MAGI2: variants seen among roughly 807,000 people sequenced by gnomAD.
MAGI2 encodes the protein membrane-associated guanylate kinase, WW and PDZ domain-containing protein 2.
MAGI2 carries 35 observed loss-of-function variants against 133.3 expected under a neutral mutation model. The observed-to-expected ratio is 0.26, with a 90% CI of 0.20 to 0.35. MAGI2 has a LOEUF of 0.35. Among genes scored for constraint, MAGI2 ranks in the 10% least tolerant of loss-of-function variants. MAGI2 has a pLI of 1.00. For missense variants in MAGI2, 1,636 were observed against 1,863.4 expected (o/e 0.88, Z 2.25); for synonymous variants, 729 against 710.6 (o/e 1.03, Z -0.41).
chr7:79,282,718 A>G (rs528452694), intron 1 of MAGI2, among the ~76,000 whole-genome samples: 2 of 152,220 alleles, frequency 1.3e-5, no homozygotes, highest in South Asian at 4.1e-4. Flanking sequence ...CCTGGCATTC[A>G]GAAAGATGAT....
At chr7:78,369,515 C>T (rs975746307) in intron 6 of MAGI2, among the ~76,000 whole-genome samples, 2 of 152,020 alleles carry the variant, frequency 1.3e-5, no homozygotes, top group Admixed American at 1.3e-4. Context: ...ATATAGAAGG[C>T]AAATCGCTTT....
At chr7:78,507,003 TTATC>T (rs1349783035) in intron 4 of MAGI2, among the ~76,000 whole-genome samples, 1 of 152,220 alleles carries the variant, frequency 6.6e-6, no homozygotes, top group African/African-American at 2.4e-5. Flanking sequence ...TTCTCCCAGT[TTATC>T]TGTTTATTCA....
intron 7 of MAGI2, chr7:78,347,121 CTG>C (rs949820460): frequency 6.6e-6 from 1 of 152,238 alleles, no homozygotes; most frequent in African/African-American, 2.4e-5. Flanking sequence ...TATTTCTAAA[CTG>C]AATCTCTGCA....
intron 1 of MAGI2, among the ~76,000 whole-genome samples, chr7:79,366,848 A>G (rs1842736853): frequency 6.6e-6 from 1 of 152,194 alleles, no homozygotes; most frequent in Non-Finnish European, 1.5e-5. Context: ...ATGTTGGGTA[A>G]AACACATACA....
intron 16 of MAGI2, among the ~76,000 whole-genome samples, chr7:78,145,104 T>C (rs1319517773): frequency 6.6e-6 from 1 of 152,182 alleles, no homozygotes; most frequent in African/African-American, 2.4e-5. Context: ...GAAAATACAT[T>C]TATTTTTACC....
chr7:78,501,505 T>G, intron 5 of MAGI2, 72 bp downstream of exon 5: 2 of 1,174,430 alleles, frequency 1.7e-6, no homozygotes, highest in Non-Finnish European at 1.2e-6. Context: ...TTTTTCCACG[T>G]CTAACTTGCT....
intron 1 of MAGI2, among the ~76,000 whole-genome samples, chr7:79,442,241 G>T (rs774506531): frequency 6.6e-6 from 1 of 152,056 alleles, no homozygotes; most frequent in Non-Finnish European, 1.5e-5. Flanking sequence ...TGTCTTCATG[G>T]ACTCTCATAA....
intron 2 of MAGI2, among the ~76,000 whole-genome samples, chr7:78,867,802 C>T (rs73143045): frequency 0.016 from 2,469 of 151,940 alleles, 28 homozygotes; most frequent in Non-Finnish European, 0.028. Flanking sequence ...AGTAAGAGAC[C>T]GTAGCCCTTG....
At chr7:78,661,764 G>T (rs1812984300) in intron 2 of MAGI2, among the ~76,000 whole-genome samples, 1 of 152,120 alleles carries the variant, frequency 6.6e-6, no homozygotes, top group African/African-American at 2.4e-5. Context: ...ACCTCCAACT[G>T]CTTGATCACC....
chr7:79,136,102 AAAGAAAG>A (rs1311922964), intron 1 of MAGI2, among the ~76,000 whole-genome samples: 1 of 149,224 alleles, frequency 6.7e-6, no homozygotes, highest in Non-Finnish European at 1.5e-5. Context: ...AGAAAGAAAG[AAAGAAAG>A]AAAGAAAGAA....
chr7:78,644,610 A>C (rs1181304368), intron 2 of MAGI2, among the ~76,000 whole-genome samples: 1 of 152,168 alleles, frequency 6.6e-6, no homozygotes, highest in Admixed American at 6.5e-5. Flanking sequence ...AACTAACTAA[A>C]AACACAATAT....
intron 1 of MAGI2, among the ~76,000 whole-genome samples, chr7:79,382,095 G>T (rs1843832867): frequency 6.6e-6 from 1 of 151,512 alleles, no homozygotes; most frequent in African/African-American, 2.4e-5. Flanking sequence ...GGCAGGCAGA[G>T]GAAGAAATAA....
intron 1 of MAGI2, among the ~76,000 whole-genome samples, chr7:79,367,870 T>TATGTGACAC (rs1842812705): frequency 9.0e-6 from 1 of 110,712 alleles, no homozygotes; most frequent in African/African-American, 3.5e-5. Flanking sequence ...TATATATATA[T>TATGTGACAC]ATATATGTCA....
At chr7:79,399,531 A>G (rs1845321059) in intron 1 of MAGI2, among the ~76,000 whole-genome samples, 1 of 152,108 alleles carries the variant, frequency 6.6e-6, no homozygotes, top group African/African-American at 2.4e-5. Context: ...TACAATCATT[A>G]TATTATAGGA....
chr7:78,662,684 G>T (rs1194662113), intron 2 of MAGI2, among the ~76,000 whole-genome samples: 1 of 152,038 alleles, frequency 6.6e-6, no homozygotes, highest in Admixed American at 6.5e-5. Context: ...AAAGAAATGG[G>T]GAAAAATTAA....
At chr7:78,248,909 T>A (rs1421044280) in intron 10 of MAGI2, among the ~76,000 whole-genome samples, 2 of 150,902 alleles carry the variant, frequency 1.3e-5, no homozygotes, top group African/African-American at 4.9e-5. Context: ...AAAAGAACAA[T>A]CAACAACCTC....
At chr7:79,299,326 G>A (rs180821830) in intron 1 of MAGI2, among the ~76,000 whole-genome samples, 67 of 152,096 alleles carry the variant, frequency 4.4e-4, no homozygotes, top group African/African-American at 1.6e-3. Flanking sequence ...GGATAGGCAG[G>A]GGGTGACATA....
chr7:79,113,508 A>G (rs904442511), intron 1 of MAGI2, among the ~76,000 whole-genome samples: 2 of 152,214 alleles, frequency 1.3e-5, no homozygotes, highest in African/African-American at 4.8e-5. Context: ...ACTGAATAAC[A>G]GATGCAAAGT....
intron 21 of MAGI2, among the ~76,000 whole-genome samples, chr7:78,058,375 G>T (rs937311793): frequency 6.6e-6 from 1 of 151,988 alleles, no homozygotes; most frequent in Non-Finnish European, 1.5e-5. Context: ...CCCTTCCCTG[G>T]GGACTCCATC....
Sources: allele counts gnomAD v4.1 joint callset (sites outside exome capture counted in the v4.1 genomes callset), GRCh38; gene constraint gnomAD v4.1.1; transcripts MANE v1.5; gene names NCBI Gene and HGNC (gene_info 2026-07-23, HGNC 2026-07-21).